Variants in SEPTIN9 observed in about 807,000 individuals in gnomAD.
SEPTIN9 encodes septin 9, also known as septin-9.
In SEPTIN9, 13 loss-of-function variants were observed where a neutral mutation model predicts 56.6. The ratio of observed to expected loss-of-function variants is 0.23; its 90% CI spans 0.15 to 0.37. SEPTIN9 has a LOEUF of 0.37. Among genes scored for constraint, SEPTIN9 ranks in the 10% least tolerant of loss-of-function variants. SEPTIN9 has a pLI of 1.00. For missense variants in SEPTIN9, 650 were observed against 823.1 expected, an observed-to-expected ratio of 0.79 and a Z score of 2.57; for synonymous variants, 332 against 334.1, an observed-to-expected ratio of 0.99 and a Z score of 0.07.
intron 1 of SEPTIN9, chr17:77,288,288 C>A: frequency 2.2e-6 from 2 of 897,232 alleles, no homozygotes; most frequent in African/African-American, 1.8e-5. Context: ...ATGGCCGGGG[C>A]CCTCTGCTTT....
intron 3 of SEPTIN9, among the ~76,000 whole-genome samples, chr17:77,428,360 G>A (rs1283712630): frequency 5.9e-5 from 9 of 152,212 alleles, no homozygotes; most frequent in African/African-American, 1.9e-4. Flanking sequence ...GGAGACAGGC[G>A]AAGCGGTCAA....
chr17:77,389,016 T>C lies in SEPTIN9; in HGVS notation c.77-13043T>C, dbSNP rs1419494274. Among the ~76,000 whole-genome samples, 1 of 151,964 alleles carries C rather than the reference T, an allele frequency of 6.6e-6. No homozygotes were observed. Among genetic ancestry groups the C allele is most frequent in the Non-Finnish European group, 1.5e-5 (1 of 67,968 alleles). On this transcript the variant is annotated intron_variant, in intron 2 of 11. Transcript: ENST00000427177. The surrounding 1 kb of genome is among the most constrained non-coding windows in gnomAD (Gnocchi z 4.3). ...TGGACCCTCACACCGATGCTGCCTG[T>C]GCCTGGCAGCTCTGTCCCGGGCCTC... is the stretch of plus-strand genomic sequence containing the variant.
At chr17:77,382,599 T>A (rs1488251229) in intron 2 of SEPTIN9, among the ~76,000 whole-genome samples, 1 of 152,094 alleles carries the variant, frequency 6.6e-6, no homozygotes, top group African/African-American at 2.4e-5. Flanking sequence ...ATAACCCAGG[T>A]GGGAGAGAGG....
intron 3 of SEPTIN9, among the ~76,000 whole-genome samples, chr17:77,438,138 T>G (rs2037417739): frequency 6.6e-6 from 1 of 152,166 alleles, no homozygotes; most frequent in South Asian, 2.1e-4. Flanking sequence ...GAGAAGCCGT[T>G]GGGCCGAGGT....
chr17:77,401,670 C>T (rs750958510), intron 2 of SEPTIN9, among the ~76,000 whole-genome samples: 9 of 151,804 alleles, frequency 5.9e-5, no homozygotes, highest in Non-Finnish European at 1.0e-4. Context: ...CGCTTGAACC[C>T]GGGAGGTGCC....
intron 2 of SEPTIN9, among the ~76,000 whole-genome samples, chr17:77,347,718 G>A (rs963612086): frequency 5.3e-5 from 8 of 151,960 alleles, no homozygotes; most frequent in South Asian, 4.2e-4. Context: ...TGGTGCGAAC[G>A]TGGTATGTAT....
intron 1 of SEPTIN9, among the ~76,000 whole-genome samples, chr17:77,290,259 CTTT>C (rs368699907): frequency 2.2e-5 from 3 of 135,248 alleles, no homozygotes. Context: ...AAAATAAATT[CTTT>C]TTTTTTTTTT....
At chr17:77,388,363 A>T (rs2035412518) in intron 2 of SEPTIN9, among the ~76,000 whole-genome samples, 2 of 151,944 alleles carry the variant, frequency 1.3e-5, no homozygotes, top group African/African-American at 2.4e-5. Flanking sequence ...CCCCTCCTAC[A>T]CAGCACACCC....
Position 77,480,744 on chromosome 17 carries a change from C to A in SEPTIN9, c.722-1400C>A, listed in dbSNP as rs11659043. On this transcript the variant is annotated intron_variant, in intron 3 of 11. Coordinates refer to ENST00000427177, the MANE Select transcript of SEPTIN9 (RefSeq NM_001113491.2). ...AGCCACTCCCCTCCCGGAGGACTGG[C>A]GGGAGGGGCCCTGCCTGGGAGCGTG... 9.6e-4 allele frequency among the ~76,000 whole-genome samples: 146 copies of A among 152,180 alleles called. 1 individual carries two copies. Among genetic ancestry groups the A allele is most frequent in the Non-Finnish European group, 1.7e-3 (113 of 67,980 alleles).
At chr17:77,468,812 T>C (rs1477564699) in intron 3 of SEPTIN9, among the ~76,000 whole-genome samples, 3 of 152,102 alleles carry the variant, frequency 2.0e-5, no homozygotes, top group Non-Finnish European at 2.9e-5. Flanking sequence ...GGGCAGCTAA[T>C]GGTGGTGGCT....
intron 2 of SEPTIN9, among the ~76,000 whole-genome samples, chr17:77,324,592 G>C (rs957532026): frequency 1.3e-5 from 2 of 152,188 alleles, no homozygotes; most frequent in African/African-American, 4.8e-5. Context: ...ATTCCCCAGT[G>C]GTTAGTGATG....
At chr17:77,309,299 TGCTGAATCCCAAA>T (rs1196924835) in intron 2 of SEPTIN9, among the ~76,000 whole-genome samples, 4 of 152,262 alleles carry the variant, frequency 2.6e-5, no homozygotes, top group Non-Finnish European at 4.4e-5. Flanking sequence ...AGGCATAATT[TGCTGAATCCCAAA>T]GCTGCAAGCT....
In SEPTIN9 at chr17:77,402,408, G is replaced by A. The variant is rs370165331; in HGVS notation, c.426G>A (p.Thr142=). The change falls in exon 3 of 12, where the codon ACG becomes ACA. Residue 142 remains threonine (T), a synonymous_variant. Transcript: ENST00000427177. This position sits in a 1 kb window ranked among gnomAD's most constrained non-coding sequence, Gnocchi z 6.6. ...LKRAEVLGHK[T]PEPAPRRTEI... is the part of the protein sequence containing the mutation. ...GGGCCGAGGTGTTGGGCCACAAGAC[G>A]CCAGAACCGGCCCCTCGGAGGACGG... The A allele has an allele frequency of 8.1e-6, 13 of 1,610,812 alleles. No individual in the cohort carries two copies. Among genetic ancestry groups the A allele is most frequent in the African/African-American group, 1.3e-5 (1 of 74,910 alleles).
At chr17:77,493,126 TCTG>T in intron 10 of SEPTIN9, 50 bp downstream of exon 10, 2 of 1,418,882 alleles carry the variant, frequency 1.4e-6, no homozygotes, top group Non-Finnish European at 1.9e-6. Context: ...GACAGTCTCT[TCTG>T]CTGACCCAGA....
intron 1 of SEPTIN9, among the ~76,000 whole-genome samples, chr17:77,292,770 G>A (rs1271032829): frequency 2.0e-5 from 3 of 151,464 alleles, no homozygotes; most frequent in East Asian, 2.0e-4. Flanking sequence ...CTGAGATTAC[G>A]GGCATGAGCC....
chr17:77,459,527 G>A (rs1318084124), intron 3 of SEPTIN9, among the ~76,000 whole-genome samples: 6 of 151,786 alleles, frequency 4.0e-5, no homozygotes, highest in South Asian at 2.1e-4. Flanking sequence ...CATTGTGTTC[G>A]TCCATTTTGA....
At chr17:77,441,759 G>A (rs1048532410) in intron 3 of SEPTIN9, among the ~76,000 whole-genome samples, 2 of 152,182 alleles carry the variant, frequency 1.3e-5, no homozygotes, top group Non-Finnish European at 2.9e-5. Flanking sequence ...TCTGTCTAGC[G>A]CAAGAGGTGA....
At chr17:77,324,515 C>A (rs2033060195) in intron 2 of SEPTIN9, among the ~76,000 whole-genome samples, 1 of 152,220 alleles carries the variant, frequency 6.6e-6, no homozygotes, top group Non-Finnish European at 1.5e-5. Context: ...AACTCCCCAC[C>A]AGGCGTCTTC....
Position 77,323,323 on chromosome 17 carries a change from T to C in SEPTIN9, c.76+16126T>C, listed in dbSNP as rs901292808. Among the ~76,000 whole-genome samples the C allele has an allele frequency of 3.3e-5, 5 of 152,200 alleles. No individual in the cohort carries two copies. Among genetic ancestry groups the C allele is most frequent in the African/African-American group, 1.2e-4 (5 of 41,452 alleles). On this transcript the variant is annotated intron_variant, in intron 2 of 11. Transcript: ENST00000427177. This position sits in a 1 kb window ranked among gnomAD's most constrained non-coding sequence, Gnocchi z 6.8. The stretch of plus-strand genomic sequence containing the variant: ...AAGGGTCGGAGCTTTTTTTTTGTTC[T>C]GGAACGGCTTTGTGGCTTTTACAAA...
Sources: gnomAD v4.1 joint callset for allele counts (sites outside exome capture counted in the v4.1 genomes callset) on GRCh38, gnomAD v4.1.1 for gene constraint, Gnocchi (gnomAD v3.1) non-coding constraint, MANE v1.5 for transcripts, NCBI Gene and HGNC (gene_info 2026-07-23, HGNC 2026-07-21) for gene names.